Variants in DDX6 observed in about 807,000 individuals in gnomAD.
The protein encoded by DDX6 is DEAD-box helicase 6, also known as probable ATP-dependent RNA helicase DDX6.
In DDX6, 7 loss-of-function variants were observed where a neutral mutation model predicts 60.6. The ratio of observed to expected loss-of-function variants is 0.12; its 90% CI spans 0.07 to 0.22. DDX6 has a LOEUF of 0.22. Among genes scored for constraint, DDX6 ranks in the 10% least tolerant of loss-of-function variants. The pLI is 1.00. For missense variants in DDX6, 270 were observed against 589.9 expected (o/e 0.46, Z 5.62); for synonymous variants, 207 against 201.0 (o/e 1.03, Z -0.25).
intron 4 of DDX6, among the ~76,000 whole-genome samples, chr11:118,776,263 G>C (rs1195597758): frequency 6.6e-6 from 1 of 152,116 alleles, no homozygotes; most frequent in Non-Finnish European, 1.5e-5. Context: ...ATTGTACTAA[G>C]CATGTGAATT....
chr11:118,774,187 C>G (rs554071137), intron 4 of DDX6, among the ~76,000 whole-genome samples: 2 of 152,266 alleles, frequency 1.3e-5, no homozygotes, highest in East Asian at 3.9e-4. Context: ...GGCCATCTTT[C>G]TCAATCATAA....
intron 5 of DDX6, among the ~76,000 whole-genome samples, chr11:118,765,790 A>G (rs1170721381): frequency 2.2e-4 from 4 of 17,800 alleles, no homozygotes; most frequent in East Asian, 3.4e-3. Context: ...AAGAAAGAAA[A>G]AAAAAATAGC....
chr11:118,791,474 A>G (rs1862275744), upstream of DDX6: 1 of 152,276 alleles, frequency 6.6e-6, no homozygotes. Flanking sequence ...TGATTGAGAA[A>G]TGGTGGCTGG....
At chr11:118,782,725 C>T (rs1861940662) in intron 2 of DDX6, among the ~76,000 whole-genome samples, 1 of 151,540 alleles carries the variant, frequency 6.6e-6, no homozygotes, top group South Asian at 2.1e-4. Flanking sequence ...CTTACTGCAA[C>T]CTCCACCTCC....
In DDX6 at chr11:118,779,578, C is replaced by T. The variant is rs573232276; in HGVS notation, c.369+54G>A. ...TCACTTCTGCAGAGCAAAAAGAAAA[C>T]TGTTTAATGGTTGACACATAACCTT... On this transcript the variant is annotated intron_variant, in intron 4 of 13. Coordinates refer to ENST00000534980, the MANE Select transcript of DDX6 (RefSeq NM_004397.6). 6 of 1,195,504 alleles carry T rather than the reference C, an allele frequency of 5.0e-6. No individual in the cohort carries two copies. The South Asian group carries it at 8.4e-5, about 17-fold the overall frequency. 74.1% of individuals were successfully genotyped at this position (1,195,504 alleles called of 1,614,324 possible).
chr11:118,768,870 A>G (rs781942503), intron 4 of DDX6, among the ~76,000 whole-genome samples: 1 of 148,236 alleles, frequency 6.7e-6, no homozygotes, highest in Non-Finnish European at 1.5e-5. Context: ...TACAGAAAGT[A>G]GCTGGGTGTG....
chr11:118,757,566 T>C (rs1861019570), intron 9 of DDX6, among the ~76,000 whole-genome samples: 2 of 152,060 alleles, frequency 1.3e-5, no homozygotes, highest in South Asian at 2.1e-4. Flanking sequence ...TTATGTTTTA[T>C]GTGTTTCCAT....
At position 118,770,247 on chromosome 11, in the gene DDX6, TG is replaced by T. The variant is rs781978249; in HGVS notation, c.370-1896del. Among the ~76,000 whole-genome samples, 6 of 151,540 alleles carry T rather than the reference TG, an allele frequency of 4.0e-5. No homozygotes were observed. In the East Asian group the frequency reaches 9.8e-4, roughly 25 times the overall value. On this transcript the variant is annotated intron_variant, in intron 4 of 13. Transcript: ENST00000534980. ...TTCACCATGTTGGCCAGGCTGGTCTTGAACTCATGACCTCAGATGATCCACC... is the reference window on the plus strand; with the variant it reads ...TTCACCATGTTGGCCAGGCTGGTCTTAACTCATGACCTCAGATGATCCACC...
intron 9 of DDX6, among the ~76,000 whole-genome samples, chr11:118,757,916 C>A (rs782057617): frequency 2.0e-5 from 3 of 152,094 alleles, no homozygotes; most frequent in Non-Finnish European, 1.5e-5. Context: ...AATATACTCA[C>A]AACCAATGCC....
intron 8 of DDX6, chr11:118,759,109 G>A: frequency 1.8e-6 from 1 of 542,696 alleles, no homozygotes; most frequent in East Asian, 4.0e-5. Context: ...ACCCAGGCTG[G>A]AGTGTAGTGG....
rs1169510139 is a variant in DDX6 at position 118,756,333 on chromosome 11, A to G, written c.1111-10T>C. The G allele has an allele frequency of 1.9e-6, 3 of 1,609,884 alleles. No individual in the cohort carries two copies. Among genetic ancestry groups the G allele is most frequent in the Admixed American group, 1.7e-5 (1 of 59,998 alleles). On this transcript the variant is annotated splice_polypyrimidine_tract_variant and intron_variant, in intron 10 of 13. Coordinates refer to ENST00000534980, the MANE Select transcript of DDX6 (RefSeq NM_004397.6). ...CACGATTTCGATGTTCCTAGGAGAA[A>G]GCAATGTATTCCATTTGATTAACAC...
In DDX6 at chr11:118,764,156, T is replaced by C. The variant is rs112969455; in HGVS notation, c.647-850A>G. 9.3e-3 allele frequency among the ~76,000 whole-genome samples: 1,416 copies of C among 152,234 alleles called. 24 individuals are homozygous for C. The highest frequency in any genetic ancestry group is 0.032 in the African/African-American group (1,343 of 41,562). ...GTATTGTTAAAAGGATCAAACAAGA[T>C]AATTTTTTAAAAACCTATGCAATAC... On this transcript the variant is annotated intron_variant, in intron 6 of 13. Transcript: ENST00000534980.
chr11:118,781,038 A>G, intron 3 of DDX6, 83 bp downstream of exon 3: 1 of 921,968 alleles, frequency 1.1e-6, no homozygotes, highest in African/African-American at 1.6e-5. Context: ...CCTGAAACCA[A>G]TTCCCTCCAG....
rs1236141303 is a variant in DDX6 at position 118,761,856 on chromosome 11, A to T, written c.741+1356T>A. ...ACCTTATAGGTTTCTTGTAAAAATT[A>T]AATGGAAAAAAAAAAAAAAAAACAA... On this transcript the variant is annotated intron_variant, in intron 7 of 13. Transcript: ENST00000534980. Among the ~76,000 whole-genome samples, 27 of 76,424 alleles carry T rather than the reference A, an allele frequency of 3.5e-4. 1 individual carries two copies. In the East Asian group the frequency reaches 0.014, roughly 39 times the overall value. The allele number at this position is 76,424 out of a possible 152,430, so 50.1% of individuals were successfully genotyped here. A position where few individuals can be genotyped will look rare whatever the true frequency, so the allele number is the denominator to read the frequency against.
chr11:118,756,009 A>C (rs1591884643), intron 11 of DDX6, among the ~76,000 whole-genome samples: 67 of 62,228 alleles, frequency 1.1e-3, no homozygotes, highest in South Asian at 2.0e-3. Context: ...CAAAGATTCC[A>C]TCCCCCTCCC....
At chr11:118,760,310 T>A (rs958528342) in intron 7 of DDX6, among the ~76,000 whole-genome samples, 15 of 152,124 alleles carry the variant, frequency 9.9e-5, no homozygotes, top group South Asian at 4.1e-4. Flanking sequence ...TTAATTAATT[T>A]ATTTATTTTT....
At chr11:118,762,093 T>G (rs921856562) in intron 7 of DDX6, among the ~76,000 whole-genome samples, 12 of 151,840 alleles carry the variant, frequency 7.9e-5, no homozygotes, top group Admixed American at 5.9e-4. Context: ...TGGCCAACAT[T>G]GCAAAACCGC....
At chr11:118,769,479 A>C (rs1555161970) in intron 4 of DDX6, among the ~76,000 whole-genome samples, 1 of 152,188 alleles carries the variant, frequency 6.6e-6, no homozygotes, top group Non-Finnish European at 1.5e-5. Flanking sequence ...TAATAACAGT[A>C]GTTCATACTA....
At chr11:118,768,821 C>A (rs180718854) in intron 4 of DDX6, among the ~76,000 whole-genome samples, 336 of 151,712 alleles carry the variant, frequency 2.2e-3, no homozygotes, top group African/African-American at 7.6e-3. Flanking sequence ...CCAGCCCGGG[C>A]AACTAGGCAA....
Sources: allele counts gnomAD v4.1 joint callset (sites outside exome capture counted in the v4.1 genomes callset), GRCh38; gene constraint gnomAD v4.1.1; transcripts MANE v1.5; gene names NCBI Gene and HGNC (gene_info 2026-07-23, HGNC 2026-07-21).